FRMD3: variants seen among roughly 807,000 people sequenced by gnomAD.
FRMD3 encodes FERM domain-containing protein 3.
In FRMD3, 33 loss-of-function variants were observed where a neutral mutation model predicts 70.2. That is an observed-to-expected ratio of 0.47 (90% CI 0.36 to 0.63). The LOEUF is 0.63. Among genes scored for constraint, FRMD3 ranks in the 20% least tolerant of loss-of-function variants. FRMD3 has a pLI of 0.00. For missense variants in FRMD3, 632 were observed against 711.4 expected (o/e 0.89, Z 1.27); for synonymous variants, 279 against 255.9 (o/e 1.09, Z -0.86).
chr9:83,546,029 C>T, the FRMD3 span, among the ~76,000 whole-genome samples: 10 of 148,542 alleles, frequency 6.7e-5, no homozygotes, highest in East Asian at 2.0e-3. Flanking sequence ...ACTTACCAGA[C>T]AGAAGAGATA....
the FRMD3 span, among the ~76,000 whole-genome samples, chr9:83,573,386 A>T: frequency 6.6e-6 from 1 of 152,186 alleles, no homozygotes; most frequent in Admixed American, 6.5e-5. Context: ...ATTTTACCAT[A>T]AATGTGGCAA....
At chr9:83,304,144 G>A (rs1057147565) in intron 10 of FRMD3, among the ~76,000 whole-genome samples, 3 of 152,164 alleles carry the variant, frequency 2.0e-5, no homozygotes, top group Non-Finnish European at 2.9e-5. Flanking sequence ...ATCATTTGAT[G>A]GACATTGGAT....
intron 5 of FRMD3, among the ~76,000 whole-genome samples, chr9:83,336,650 G>A (rs1011036788): frequency 6.7e-6 from 1 of 149,028 alleles, no homozygotes; most frequent in Non-Finnish European, 1.5e-5. Context: ...GGAGTCTAAT[G>A]AGAAATAAAA....
At chr9:83,504,010 A>C (rs904626743) in intron 1 of FRMD3, among the ~76,000 whole-genome samples, 1 of 152,188 alleles carries the variant, frequency 6.6e-6, no homozygotes, top group Non-Finnish European at 1.5e-5. Flanking sequence ...TGGTAACGGA[A>C]GAGAATACAC....
intron 4 of FRMD3, among the ~76,000 whole-genome samples, chr9:83,347,129 T>C (rs1016379581): frequency 2.0e-5 from 3 of 152,332 alleles, no homozygotes; most frequent in African/African-American, 2.4e-5. Flanking sequence ...TGTAATCCCA[T>C]AACTCAGAAA....
At chr9:83,335,468 A>G (rs1316246711) in intron 6 of FRMD3, 48 bp downstream of exon 6, 12 of 1,532,786 alleles carry the variant, frequency 7.8e-6, no homozygotes, top group Admixed American at 1.7e-5. Context: ...TGCAGTAAGA[A>G]TATTTTCTCC....
chr9:83,264,646 G>T (rs11140001), intron 13 of FRMD3, among the ~76,000 whole-genome samples: 26,629 of 151,778 alleles, frequency 0.18, 2,549 homozygotes, highest in African/African-American at 0.25. Flanking sequence ...AACTTCCTTT[G>T]AAAAAAAGCA....
At chr9:83,357,296 T>TATATATATAA (rs1824431838) in intron 3 of FRMD3, among the ~76,000 whole-genome samples, 1 of 79,588 alleles carries the variant, frequency 1.3e-5, no homozygotes, top group African/African-American at 4.8e-5. Flanking sequence ...TATATATATA[T>TATATATATAA]AAAACATTTT....
chr9:83,354,092 T>C (rs1026379869), intron 3 of FRMD3, among the ~76,000 whole-genome samples: 7 of 152,068 alleles, frequency 4.6e-5, no homozygotes, highest in African/African-American at 1.7e-4. Flanking sequence ...GCCTGGCTAA[T>C]TTTTTGTATT....
At chr9:83,527,239 C>A (rs535818737) in intron 1 of FRMD3, among the ~76,000 whole-genome samples, 63 of 152,334 alleles carry the variant, frequency 4.1e-4, no homozygotes, top group African/African-American at 1.4e-3. Flanking sequence ...TGTGTGCTCT[C>A]ATGGACATGC....
intron 3 of FRMD3, among the ~76,000 whole-genome samples, chr9:83,352,823 T>C (rs957855204): frequency 3.9e-5 from 6 of 152,178 alleles, no homozygotes; most frequent in Non-Finnish European, 7.3e-5. Context: ...CTCCTCTCAG[T>C]GTTGATTTAC....
intron 5 of FRMD3, among the ~76,000 whole-genome samples, chr9:83,338,620 G>A (rs12000902): frequency 0.22 from 33,513 of 151,850 alleles, 4,037 homozygotes; most frequent in Non-Finnish European, 0.27. Flanking sequence ...TAAGAAGGAG[G>A]GAATACAATG....
chr9:83,299,247 A>G (rs895548781), intron 10 of FRMD3, 61 bp from the exon 11 acceptor site: 6 of 1,063,330 alleles, frequency 5.6e-6, no homozygotes, highest in Non-Finnish European at 1.4e-6. Flanking sequence ...ACAACATGCT[A>G]TAGAGGTGTG....
intron 10 of FRMD3, among the ~76,000 whole-genome samples, chr9:83,300,146 C>A (rs1015909274): frequency 1.3e-5 from 2 of 152,208 alleles, no homozygotes; most frequent in Non-Finnish European, 2.9e-5. Flanking sequence ...GTGATCCCCA[C>A]CCTTGAGCCT....
chr9:83,574,132 C>T, the FRMD3 span, among the ~76,000 whole-genome samples: 1 of 152,178 alleles, frequency 6.6e-6, no homozygotes, highest in African/African-American at 2.4e-5. Context: ...AAAGCCACAC[C>T]CAGCTACTGC....
chr9:83,417,922 A>AT (rs1826502770), intron 1 of FRMD3, among the ~76,000 whole-genome samples: 1 of 152,232 alleles, frequency 6.6e-6, no homozygotes, highest in Non-Finnish European at 1.5e-5. Flanking sequence ...TAGATCTGGC[A>AT]GTTAGGGACA....
intron 1 of FRMD3, among the ~76,000 whole-genome samples, chr9:83,484,661 G>T (rs558877657): frequency 2.0e-4 from 31 of 152,240 alleles, no homozygotes; most frequent in African/African-American, 6.3e-4. Context: ...CAAGTGATCC[G>T]CCCACCTTGG....
intron 1 of FRMD3, among the ~76,000 whole-genome samples, chr9:83,443,786 A>G (rs947029383): frequency 1.3e-5 from 2 of 152,184 alleles, no homozygotes; most frequent in African/African-American, 4.8e-5. Context: ...ATTTCTCCAC[A>G]TCCTCTCCAG....
At chr9:83,313,616 G>A (rs1231469044) in intron 7 of FRMD3, 44 bp downstream of exon 7, 2 of 1,486,762 alleles carry the variant, frequency 1.3e-6, no homozygotes, top group East Asian at 2.3e-5. Context: ...TCTCTTTTGG[G>A]CAAAACAACC....
Sources: allele counts gnomAD v4.1 joint callset (sites outside exome capture counted in the v4.1 genomes callset), GRCh38; gene constraint gnomAD v4.1.1; transcripts MANE v1.5; gene names NCBI Gene and HGNC (gene_info 2026-07-23, HGNC 2026-07-21).